The following AK8 variants were observed in gnomAD, a reference collection of about 807,000 sequenced individuals.
AK8 encodes ATP-AMP transphosphorylase 8.
A neutral mutation model predicts 54.6 loss-of-function variants in AK8; 44 were observed. The observed-to-expected ratio is 0.81, with a 90% CI of 0.63 to 1.04. The LOEUF (loss-of-function observed/expected upper bound fraction) is 1.04. Among genes scored for constraint, AK8 ranks in the 50% least tolerant of loss-of-function variants. The pLI is 0.00. For missense variants in AK8, 555 were observed against 613.6 expected (o/e 0.90, Z 1.01); for synonymous variants, 239 against 245.6 (o/e 0.97, Z 0.25).
At chr9:132,750,108 C>T (rs1454168843) in intron 11 of AK8, among the ~76,000 whole-genome samples, 1 of 151,310 alleles carries the variant, frequency 6.6e-6, no homozygotes, top group African/African-American at 2.4e-5. Context: ...CTCTCTGTGC[C>T]CACCCCTGAA....
At chr9:132,850,955 A>C (rs1588212297) in intron 5 of AK8, among the ~76,000 whole-genome samples, 1 of 151,750 alleles carries the variant, frequency 6.6e-6, no homozygotes, top group Non-Finnish European at 1.5e-5. Context: ...AATGTGCGCC[A>C]CCCGCCTTGT....
chr9:132,806,632 T>C (rs369511), intron 10 of AK8, among the ~76,000 whole-genome samples: 42,915 of 152,112 alleles, frequency 0.28, 6,219 homozygotes, highest in East Asian at 0.49. Context: ...AGCAACTCTT[T>C]GCAAGTTTTT....
chr9:132,837,624 G>C lies in AK8; in HGVS notation c.403-8898C>G, dbSNP rs1842379985. ...ACTGCAGTGAGAGGGATGATCTGAG[G>C]CATCACACATCCACAGAGCATATCG... On this transcript the variant is annotated intron_variant, in intron 5 of 12. Transcript: ENST00000298545. The surrounding 1 kb of genome is among the most constrained non-coding windows in gnomAD (Gnocchi z 4.3). Among the ~76,000 whole-genome samples the C allele has an allele frequency of 6.6e-6, 1 of 152,138 alleles. No individual in the cohort carries two copies.
Position 132,866,958 on chromosome 9 carries a change from G to A in AK8, c.170-5C>T, listed in dbSNP as rs745430969. The A allele has an allele frequency of 1.9e-6, 3 of 1,613,872 alleles. No homozygotes were observed. The highest frequency in any genetic ancestry group is 1.1e-5 in the South Asian group (1 of 91,062). On this transcript the variant is annotated splice_polypyrimidine_tract_variant and splice_region_variant and intron_variant, in intron 2 of 12. Coordinates refer to ENST00000298545, the MANE Select transcript of AK8 (RefSeq NM_152572.3). The stretch of plus-strand genomic sequence containing the variant: ...CTAATATTACAATCCTGGGCACTGT[G>A]GAATAAAAAGATTTGAATGTCACCA...
At chr9:132,868,294 T>C (rs1296662798) in intron 2 of AK8, among the ~76,000 whole-genome samples, 4 of 152,228 alleles carry the variant, frequency 2.6e-5, no homozygotes, top group Non-Finnish European at 5.9e-5. Context: ...TACACCCAGC[T>C]GGCTGCTTGG....
chr9:132,751,685 C>T (rs907719174), intron 11 of AK8, among the ~76,000 whole-genome samples: 3 of 151,788 alleles, frequency 2.0e-5, no homozygotes, highest in African/African-American at 4.8e-5. Flanking sequence ...TGACGGCTGA[C>T]GAGCACAAAT....
At chr9:132,741,217 C>G (rs915879058) in intron 11 of AK8, among the ~76,000 whole-genome samples, 2 of 152,234 alleles carry the variant, frequency 1.3e-5, no homozygotes, top group Non-Finnish European at 2.9e-5. Context: ...AGTCTTTTTC[C>G]TGGTTCCAGG....
At chr9:132,851,917 A>G (rs950042808) in intron 5 of AK8, among the ~76,000 whole-genome samples, 1 of 152,238 alleles carries the variant, frequency 6.6e-6, no homozygotes, top group African/African-American at 2.4e-5. Context: ...CTCTACTCAC[A>G]TGAGAGCAGA....
chr9:132,850,599 T>C (rs1464437563), intron 5 of AK8, among the ~76,000 whole-genome samples: 1 of 152,010 alleles, frequency 6.6e-6, no homozygotes, highest in African/African-American at 2.4e-5. Context: ...GGTTTTGCCA[T>C]GTTGGCCAGG....
chr9:132,818,391 T>C (rs554295265), intron 9 of AK8, among the ~76,000 whole-genome samples: 1 of 152,318 alleles, frequency 6.6e-6, no homozygotes, highest in Non-Finnish European at 1.5e-5. Context: ...TTGTAGGGTT[T>C]ATAACATACG....
intron 5 of AK8, among the ~76,000 whole-genome samples, chr9:132,854,081 G>C (rs1186820634): frequency 6.6e-6 from 1 of 152,000 alleles, no homozygotes; most frequent in Non-Finnish European, 1.5e-5. Flanking sequence ...CATGCCTGTA[G>C]TCCCAGCTAC....
intron 5 of AK8, among the ~76,000 whole-genome samples, chr9:132,850,522 C>T (rs926866324): frequency 1.3e-4 from 19 of 151,980 alleles, no homozygotes; most frequent in African/African-American, 4.1e-4. Flanking sequence ...CTCAGCCTCC[C>T]AAGTAGCTGG....
rs576979337 is a variant in AK8, at chr9:132,826,055, A to C, written c.757+799T>G. ...GGGCAGGGTGTTGAACAATGATAGG[A>C]GCTATGACGACTGATGTTTATTGAG... On this transcript the variant is annotated intron_variant, in intron 8 of 12. Coordinates refer to ENST00000298545, the MANE Select transcript of AK8 (RefSeq NM_152572.3). The surrounding 1 kb of genome is among the most constrained non-coding windows in gnomAD (Gnocchi z 4.5). Among the ~76,000 whole-genome samples the C allele has an allele frequency of 5.3e-5, 8 of 152,250 alleles. No individual in the cohort carries two copies. In the South Asian group the frequency reaches 1.7e-3, roughly 32 times the overall value.
chr9:132,833,572 G>A (rs1240085349), intron 5 of AK8, among the ~76,000 whole-genome samples: 8 of 152,130 alleles, frequency 5.3e-5, no homozygotes, highest in Non-Finnish European at 8.8e-5. Flanking sequence ...TTCGCTCACC[G>A]TACCCCCGTG....
At position 132,803,069 on chromosome 9, in the gene AK8, C is replaced by G. The variant is rs748838564; in HGVS notation, c.980-10294G>C. On this transcript the variant is annotated intron_variant, in intron 10 of 12. Transcript: ENST00000298545. The surrounding 1 kb of genome is among the most constrained non-coding windows in gnomAD (Gnocchi z 4.4). ...CACGTCCTTCTTCACATAGCGGCAG[C>G]CAGGAGAGGTGCAGAGCGAAGGGGC... Among the ~76,000 whole-genome samples, 1 of 152,098 alleles carries G rather than the reference C, an allele frequency of 6.6e-6. No homozygotes were observed. Among genetic ancestry groups the G allele is most frequent in the South Asian group, 2.1e-4 (1 of 4,818 alleles).
chr9:132,777,638 A>C (rs1333705001), intron 11 of AK8, among the ~76,000 whole-genome samples: 1 of 152,140 alleles, frequency 6.6e-6, no homozygotes, highest in Non-Finnish European at 1.5e-5. Flanking sequence ...GGGCGGGGCT[A>C]CTACTCCCTT....
Position 132,781,374 on chromosome 9 carries a change from G to A in AK8, c.1121+11260C>T, listed in dbSNP as rs1380156810. ...TGTGCCATGGGTTTATGAGGTAGGA[G>A]TCAGACAAAACATTGCATTTGAACA... On this transcript the variant is annotated intron_variant, in intron 11 of 12. Coordinates refer to ENST00000298545, the MANE Select transcript of AK8 (RefSeq NM_152572.3). The surrounding 1 kb of genome is among the most constrained non-coding windows in gnomAD (Gnocchi z 4.6). Among the ~76,000 whole-genome samples the A allele has an allele frequency of 6.6e-6, 1 of 152,086 alleles. No individual in the cohort carries two copies. Among genetic ancestry groups the A allele is most frequent in the Non-Finnish European group, 1.5e-5 (1 of 68,024 alleles).
chr9:132,739,013 C>T (rs1246231162), intron 11 of AK8, among the ~76,000 whole-genome samples: 1 of 151,794 alleles, frequency 6.6e-6, no homozygotes, highest in East Asian at 1.9e-4. Context: ...CCTCAGCCTC[C>T]CAAAGTGCTG....
intron 11 of AK8, among the ~76,000 whole-genome samples, chr9:132,771,620 C>A (rs1838982953): frequency 6.6e-6 from 1 of 152,030 alleles, no homozygotes; most frequent in Admixed American, 6.5e-5. Context: ...AGTACTGGGT[C>A]TCCATCCATC....
Sources: allele counts gnomAD v4.1 joint callset (sites outside exome capture counted in the v4.1 genomes callset), GRCh38; gene constraint gnomAD v4.1.1; non-coding constraint Gnocchi (gnomAD v3.1); transcripts MANE v1.5; gene names NCBI Gene and HGNC (gene_info 2026-07-23, HGNC 2026-07-21).